SLC16A7: variants seen among roughly 807,000 people sequenced by gnomAD.
SLC16A7 encodes solute carrier family 16 member 7.
In SLC16A7, 33 loss-of-function variants were observed where a neutral mutation model predicts 34.9. The observed-to-expected ratio is 0.94, with a 90% CI of 0.72 to 1.26. The LOEUF (loss-of-function observed/expected upper bound fraction) is 1.26. SLC16A7 is among the 50% of genes most tolerant of loss of function. The pLI is 0.00. For synonymous variants in SLC16A7, 201 were observed against 206.6 expected (o/e 0.97, Z 0.23); for missense variants, 573 against 578.1 (o/e 0.99, Z 0.09).
intron 1 of SLC16A7, among the ~76,000 whole-genome samples, chr12:59,644,815 CAGTT>C: frequency 6.6e-6 from 1 of 152,226 alleles, no homozygotes; most frequent in Non-Finnish European, 1.5e-5. Flanking sequence ...AATTTCCTGA[CAGTT>C]GGAGACATTT....
intron 1 of SLC16A7, among the ~76,000 whole-genome samples, chr12:59,646,565 G>A (rs1201284320): frequency 6.6e-6 from 1 of 152,138 alleles, no homozygotes; most frequent in African/African-American, 2.4e-5. Context: ...CTCTGCTAGG[G>A]CTAGGGCAGT....
At chr12:59,726,498 CTTTG>C (rs1184153182) in intron 3 of SLC16A7, among the ~76,000 whole-genome samples, 1 of 151,978 alleles carries the variant, frequency 6.6e-6, no homozygotes, top group African/African-American at 2.4e-5. Context: ...TGACAGACAG[CTTTG>C]TTTGTTTCAT....
chr12:59,636,192 G>T (rs929851089), intron 1 of SLC16A7, among the ~76,000 whole-genome samples: 1 of 151,858 alleles, frequency 6.6e-6, no homozygotes, highest in Non-Finnish European at 1.5e-5. Flanking sequence ...TTACACTTAC[G>T]ATATTTGAAG....
chr12:59,664,636 G>A (rs976524363), intron 2 of SLC16A7: 1 of 152,160 alleles, frequency 6.6e-6, no homozygotes, highest in East Asian at 1.9e-4. Context: ...CACAACACAT[G>A]AGAAGGTTAA....
At chr12:59,677,078 T>C (rs373380599) in intron 2 of SLC16A7, among the ~76,000 whole-genome samples, 18 of 152,170 alleles carry the variant, frequency 1.2e-4, no homozygotes, top group Admixed American at 9.8e-4. Context: ...TTTTTTCTTA[T>C]AATAGAAATA....
chr12:59,683,179 C>T (rs1870884172), intron 2 of SLC16A7, among the ~76,000 whole-genome samples: 1 of 152,114 alleles, frequency 6.6e-6, no homozygotes, highest in Non-Finnish European at 1.5e-5. Flanking sequence ...TAATACCTGT[C>T]AACATCCTGT....
chr12:59,642,894 A>C (rs1880746571), intron 1 of SLC16A7, among the ~76,000 whole-genome samples: 1 of 152,030 alleles, frequency 6.6e-6, no homozygotes, highest in Non-Finnish European at 1.5e-5. Context: ...TTGTTGAAAA[A>C]CCTTATAATA....
At chr12:59,688,162 C>G (rs139757285) in intron 2 of SLC16A7, among the ~76,000 whole-genome samples, 208 of 152,094 alleles carry the variant, frequency 1.4e-3, no homozygotes, top group African/African-American at 4.8e-3. Context: ...TCCTCCTCTT[C>G]TTTTGATAAT....
chr12:59,620,253 G>A (rs1250652426), intron 1 of SLC16A7, among the ~76,000 whole-genome samples: 1 of 151,780 alleles, frequency 6.6e-6, no homozygotes, highest in Admixed American at 6.6e-5. Flanking sequence ...TTGCCATAGT[G>A]AAGAACTCTG....
intron 3 of SLC16A7, among the ~76,000 whole-genome samples, chr12:59,712,332 C>A (rs1054235396): frequency 2.6e-5 from 4 of 152,174 alleles, no homozygotes; most frequent in Admixed American, 2.0e-4. Context: ...ATAATCATTT[C>A]TAAAAGAAAT....
chr12:59,691,733 A>G (rs1326103121), intron 2 of SLC16A7, among the ~76,000 whole-genome samples: 1 of 152,062 alleles, frequency 6.6e-6, no homozygotes, highest in Non-Finnish European at 1.5e-5. Context: ...AAGTGCATGT[A>G]AATCTGCCTA....
intron 2 of SLC16A7, among the ~76,000 whole-genome samples, chr12:59,656,758 C>T (rs1265080879): frequency 2.0e-5 from 3 of 151,884 alleles, no homozygotes; most frequent in Non-Finnish European, 2.9e-5. Flanking sequence ...GTATTTGCTG[C>T]TTTGATTGAA....
chr12:59,709,538 G>A (rs1873977880), intron 3 of SLC16A7, among the ~76,000 whole-genome samples: 1 of 151,454 alleles, frequency 6.6e-6, no homozygotes, highest in Admixed American at 6.6e-5. Flanking sequence ...TGCAGAATGA[G>A]GGAGGCTATT....
chr12:59,699,486 T>G (rs1872651158), intron 2 of SLC16A7, among the ~76,000 whole-genome samples: 1 of 151,750 alleles, frequency 6.6e-6, no homozygotes, highest in African/African-American at 2.4e-5. Context: ...TATGCACTGC[T>G]GGTTTCAGTG....
intron 3 of SLC16A7, among the ~76,000 whole-genome samples, chr12:59,767,166 A>C (rs536106521): frequency 6.6e-6 from 1 of 151,536 alleles, no homozygotes; most frequent in East Asian, 2.0e-4. Context: ...ACTAGCTTCT[A>C]GTATGCAAAT....
chr12:59,661,463 C>A (rs905014005), intron 2 of SLC16A7, among the ~76,000 whole-genome samples: 33 of 152,082 alleles, frequency 2.2e-4, no homozygotes, highest in African/African-American at 7.7e-4. Flanking sequence ...ACAGTGCAAG[C>A]TGAGAGTGAT....
intron 2 of SLC16A7, among the ~76,000 whole-genome samples, chr12:59,676,941 C>T (rs17122827): frequency 0.071 from 10,838 of 152,206 alleles, 431 homozygotes; most frequent in Middle Eastern, 0.17. Flanking sequence ...AACTGAAGAA[C>T]TTACTAGAAT....
At chr12:59,622,172 T>G (rs1315262711) in intron 1 of SLC16A7, among the ~76,000 whole-genome samples, 1 of 151,856 alleles carries the variant, frequency 6.6e-6, no homozygotes, top group Admixed American at 6.6e-5. Flanking sequence ...ACATTAGAAG[T>G]ATCTATTTAA....
chr12:59,768,552 A>G (rs1258052694), intron 3 of SLC16A7, among the ~76,000 whole-genome samples: 2 of 152,182 alleles, frequency 1.3e-5, no homozygotes, highest in Non-Finnish European at 2.9e-5. Context: ...AACTTAGTTG[A>G]TAAAGCAGTG....
Sources: allele counts gnomAD v4.1 joint callset (sites outside exome capture counted in the v4.1 genomes callset), GRCh38; gene constraint gnomAD v4.1.1; transcripts MANE v1.5; gene names NCBI Gene and HGNC (gene_info 2026-07-23, HGNC 2026-07-21).